Variants in FILIP1L observed in about 807,000 individuals in gnomAD.
FILIP1L encodes filamin A-interacting protein 1-like.
A neutral mutation model predicts 96.6 loss-of-function variants in FILIP1L; 55 were observed. The observed-to-expected ratio is 0.57, with a 90% confidence interval of 0.46 to 0.71. The LOEUF (loss-of-function observed/expected upper bound fraction) is 0.71. Among genes scored for constraint, FILIP1L ranks in the 30% least tolerant of loss-of-function variants. FILIP1L has a pLI of 0.00. For synonymous variants in FILIP1L, 467 were observed against 473.9 expected, an observed-to-expected ratio of 0.99 and a Z score of 0.19; for missense variants, 1,304 against 1,321.2, an observed-to-expected ratio of 0.99 and a Z score of 0.20.
chr3:100,100,350 G>C (rs1189671749), intron 1 of FILIP1L, among the ~76,000 whole-genome samples: 1 of 152,162 alleles, frequency 6.6e-6, no homozygotes, highest in Non-Finnish European at 1.5e-5. Flanking sequence ...TGAACACCTA[G>C]AATGTACCAT....
intron 1 of FILIP1L, among the ~76,000 whole-genome samples, chr3:99,933,580 C>T (rs1707560451): frequency 6.6e-6 from 1 of 152,056 alleles, no homozygotes; most frequent in African/African-American, 2.4e-5. Flanking sequence ...TTTCCCCACC[C>T]CTATTGTATT....
At chr3:100,048,014 T>C (rs1290880170) in intron 1 of FILIP1L, among the ~76,000 whole-genome samples, 2 of 152,116 alleles carry the variant, frequency 1.3e-5, no homozygotes, top group East Asian at 3.9e-4. Flanking sequence ...GGGCCATAGC[T>C]TGTGAAAGTG....
intron 1 of FILIP1L, among the ~76,000 whole-genome samples, chr3:99,939,417 T>C (rs76986503): frequency 0.011 from 1,721 of 152,324 alleles, 19 homozygotes; most frequent in African/African-American, 0.025. Context: ...TTATTCCAAA[T>C]GAAACACTCA....
chr3:99,868,213 T>G (rs1944615768), intron 4 of FILIP1L, among the ~76,000 whole-genome samples: 1 of 152,168 alleles, frequency 6.6e-6, no homozygotes, highest in South Asian at 2.1e-4. Flanking sequence ...GGAAAGTTCT[T>G]GTGGGTTTCT....
intron 4 of FILIP1L, among the ~76,000 whole-genome samples, chr3:99,918,690 T>C (rs1707031962): frequency 6.6e-6 from 1 of 152,196 alleles, no homozygotes; most frequent in Admixed American, 6.5e-5. Flanking sequence ...AATGGTTTTT[T>C]AGTACCCACA....
intron 1 of FILIP1L, among the ~76,000 whole-genome samples, chr3:100,068,949 G>A (rs1336930049): frequency 6.6e-6 from 1 of 152,184 alleles, no homozygotes; most frequent in African/African-American, 2.4e-5. Flanking sequence ...CCAGCAGGTG[G>A]CACTGTGAAA....
At position 99,849,016 on chromosome 3, in the gene FILIP1L, A is replaced by T. The variant is rs776867482; in HGVS notation, c.2660T>A (p.Val887Glu). 1 of 1,614,166 alleles carries T rather than the reference A, an allele frequency of 6.2e-7. No homozygotes were observed. Among genetic ancestry groups the T allele is most frequent in the South Asian group, 1.1e-5 (1 of 91,072 alleles). ...KMQTKPNANF[V>E]QPGDLVLSHT... ...GCTTAGGACTAGATCTCCAGGTTGCACAAAGTTGGCATTGGGTTTAGTTTG... is the reference window on the plus strand; with the variant it reads ...GCTTAGGACTAGATCTCCAGGTTGCTCAAAGTTGGCATTGGGTTTAGTTTG... The change falls in exon 5 of 6, where the codon GTG (valine) becomes GAG (glutamate). Residue 887 changes from valine to glutamate, a missense_variant. Val to Glu is a moderately radical substitution (Grantham distance 121). Coordinates refer to ENST00000477258, the MANE Select transcript of FILIP1L (RefSeq NM_001387850.1).
intron 1 of FILIP1L, among the ~76,000 whole-genome samples, chr3:99,961,128 T>A (rs1708477914): frequency 6.6e-6 from 1 of 152,164 alleles, no homozygotes; most frequent in Non-Finnish European, 1.5e-5. Flanking sequence ...AAATCTAAAG[T>A]TGGAAACCAC....
intron 1 of FILIP1L, among the ~76,000 whole-genome samples, chr3:100,063,412 A>G (rs1216859422): frequency 6.6e-6 from 1 of 152,140 alleles, no homozygotes; most frequent in Non-Finnish European, 1.5e-5. Context: ...TGGTGTAATT[A>G]TTATTATAGT....
intron 4 of FILIP1L, among the ~76,000 whole-genome samples, chr3:99,890,680 C>T (rs144460847): frequency 6.7e-4 from 101 of 151,648 alleles, no homozygotes; most frequent in African/African-American, 2.3e-3. Context: ...TCTAGTTTGA[C>T]CATTTTCTAT....
chr3:99,999,657 A>G (rs1345939018), intron 1 of FILIP1L, among the ~76,000 whole-genome samples: 1 of 152,162 alleles, frequency 6.6e-6, no homozygotes, highest in Non-Finnish European at 1.5e-5. Flanking sequence ...TAAACACATC[A>G]AAGAAGTCTG....
chr3:99,921,169 A>T (rs889214324), intron 4 of FILIP1L, among the ~76,000 whole-genome samples: 1 of 152,134 alleles, frequency 6.6e-6, no homozygotes, highest in Admixed American at 6.5e-5. Context: ...GAGAGAAAGC[A>T]CTCAGTGAAG....
At chr3:99,892,619 A>T (rs1559678239) in intron 4 of FILIP1L, among the ~76,000 whole-genome samples, 1 of 152,074 alleles carries the variant, frequency 6.6e-6, no homozygotes. Context: ...CAGGCATCTC[A>T]TCCAAACCTG....
intron 4 of FILIP1L, among the ~76,000 whole-genome samples, chr3:99,903,262 T>C (rs1251042175): frequency 6.6e-6 from 1 of 151,994 alleles, no homozygotes; most frequent in Non-Finnish European, 1.5e-5. Context: ...ATGCATGTTT[T>C]TTTTTTTGAG....
intron 1 of FILIP1L, among the ~76,000 whole-genome samples, chr3:99,996,720 G>T (rs1220373203): frequency 1.3e-5 from 2 of 151,984 alleles, no homozygotes; most frequent in African/African-American, 4.8e-5. Context: ...ATGCAAAAGC[G>T]GAAACTCCTG....
At chr3:100,075,631 TC>T (rs1440388203) in intron 1 of FILIP1L, 1 of 152,110 alleles carries the variant, frequency 6.6e-6, no homozygotes, top group African/African-American at 2.4e-5. Flanking sequence ...TATCTTCTTT[TC>T]CTTATTACAC....
chr3:100,085,077 G>A (rs936553848), intron 1 of FILIP1L, among the ~76,000 whole-genome samples: 1 of 152,102 alleles, frequency 6.6e-6, no homozygotes, highest in South Asian at 2.1e-4. Flanking sequence ...AAACTAAGCC[G>A]TATCCCCTAA....
chr3:100,082,227 A>G (rs928708507), intron 1 of FILIP1L, among the ~76,000 whole-genome samples: 10 of 152,368 alleles, frequency 6.6e-5, no homozygotes, highest in Admixed American at 2.6e-4. Flanking sequence ...AGTGTGCTGC[A>G]TAGAATTCAT....
chr3:99,985,196 G>A (rs888113754), intron 1 of FILIP1L, among the ~76,000 whole-genome samples: 1 of 152,148 alleles, frequency 6.6e-6, no homozygotes, highest in African/African-American at 2.4e-5. Context: ...TGTTTTAAAA[G>A]GTTGAGAAAA....
Sources: gnomAD v4.1 joint callset for allele counts (sites outside exome capture counted in the v4.1 genomes callset) on GRCh38, gnomAD v4.1.1 for gene constraint, MANE v1.5 for transcripts, NCBI Gene and HGNC (gene_info 2026-07-23, HGNC 2026-07-21) for gene names.